The following SRBD1 variants were observed in gnomAD, a reference collection of about 807,000 sequenced individuals.
The protein encoded by SRBD1 is S1 RNA binding domain 1.
A neutral mutation model predicts 115.3 loss-of-function variants in SRBD1; 88 were observed. That is an observed-to-expected ratio of 0.76 (90% CI 0.64 to 0.91). SRBD1 has a LOEUF of 0.91. Ranked by LOEUF, SRBD1 falls within the 40% of genes least tolerant of loss-of-function variation. The probability of loss-of-function intolerance (pLI) is 0.00; values close to 1 mark genes in which losing one functional copy is unlikely to be tolerated. For synonymous variants in SRBD1, 509 were observed against 407.7 expected, an observed-to-expected ratio of 1.25 and a Z score of -2.99; for missense variants, 1,385 against 1,177.4, an observed-to-expected ratio of 1.18 and a Z score of -2.58.
chr2:45,446,350 T>C (rs1315365110), intron 16 of SRBD1, among the ~76,000 whole-genome samples: 1 of 152,128 alleles, frequency 6.6e-6, no homozygotes, highest in Non-Finnish European at 1.5e-5. Context: ...TAAGTCCCCA[T>C]TATCATGCCT....
intron 8 of SRBD1, among the ~76,000 whole-genome samples, chr2:45,573,847 G>A (rs915746412): frequency 6.6e-6 from 1 of 152,110 alleles, no homozygotes; most frequent in African/African-American, 2.4e-5. Context: ...CATTCCTGCT[G>A]GAGCCACTGA....
chr2:45,581,104 T>C (rs1187234689), intron 6 of SRBD1, among the ~76,000 whole-genome samples: 1 of 152,156 alleles, frequency 6.6e-6, no homozygotes, highest in African/African-American at 2.4e-5. Context: ...ACCAAATATA[T>C]ATATTTTTTT....
chr2:45,414,816 A>AG (rs1424390905), intron 18 of SRBD1, among the ~76,000 whole-genome samples: 2 of 23,800 alleles, frequency 8.4e-5, no homozygotes. Flanking sequence ...ACACACACAT[A>AG]TAGTGTGTAT....
intron 19 of SRBD1, 75 bp downstream of exon 19, chr2:45,413,039 T>G: frequency 6.7e-7 from 1 of 1,494,336 alleles, no homozygotes; most frequent in Non-Finnish European, 9.0e-7. Context: ...GTTTCCATTA[T>G]GCCAAAACAA....
chr2:45,581,187 C>T (rs1483130161), intron 6 of SRBD1, among the ~76,000 whole-genome samples: 1 of 152,150 alleles, frequency 6.6e-6, no homozygotes, highest in African/African-American at 2.4e-5. Flanking sequence ...ACTCTCTTCC[C>T]TGCTGTTCCA....
intron 10 of SRBD1, among the ~76,000 whole-genome samples, 178 bp downstream of exon 10, chr2:45,562,475 A>AC (rs1393169700): frequency 7.3e-5 from 11 of 150,822 alleles, no homozygotes; most frequent in African/African-American, 1.7e-4. Context: ...CTCGCGATCC[A>AC]CCCCCCTCAG....
chr2:45,408,206 G>A (rs759501118), intron 19 of SRBD1, among the ~76,000 whole-genome samples: 35 of 152,024 alleles, frequency 2.3e-4, no homozygotes, highest in Non-Finnish European at 4.0e-4. Context: ...TTCTTCCCTG[G>A]GAAGACACTT....
intron 15 of SRBD1, among the ~76,000 whole-genome samples, chr2:45,477,784 T>C (rs1196405940): frequency 1.3e-5 from 2 of 152,214 alleles, no homozygotes; most frequent in Non-Finnish European, 2.9e-5. Context: ...GCCTTGAATA[T>C]GACTGCAAGA....
chr2:45,541,067 C>G (rs10207298), intron 14 of SRBD1, among the ~76,000 whole-genome samples: 79,751 of 152,078 alleles, frequency 0.52, 21,409 homozygotes, highest in African/African-American at 0.58. Context: ...CCAGATCTCA[C>G]CCTGCCAAGG....
At chr2:45,492,530 C>T (rs1279101739) in intron 14 of SRBD1, among the ~76,000 whole-genome samples, 1 of 152,160 alleles carries the variant, frequency 6.6e-6, no homozygotes, top group Non-Finnish European at 1.5e-5. Flanking sequence ...GCTCCACCTC[C>T]CGGGTTCACA....
At chr2:45,390,024 T>A (rs1394486028) in intron 20 of SRBD1, among the ~76,000 whole-genome samples, 1 of 152,140 alleles carries the variant, frequency 6.6e-6, no homozygotes, top group Admixed American at 6.5e-5. Flanking sequence ...GATTATTAAA[T>A]TGTTTAAAGA....
intron 14 of SRBD1, among the ~76,000 whole-genome samples, chr2:45,491,059 G>C (rs1572697383): frequency 6.6e-6 from 1 of 152,062 alleles, no homozygotes; most frequent in South Asian, 2.1e-4. Context: ...TAGAATTAAT[G>C]AAACAAATCA....
At chr2:45,559,727 T>A (rs1391239770) in intron 10 of SRBD1, among the ~76,000 whole-genome samples, 2 of 152,194 alleles carry the variant, frequency 1.3e-5, no homozygotes, top group African/African-American at 2.4e-5. Context: ...CTTTTGAGAA[T>A]AATTTTTTAG....
intron 16 of SRBD1, among the ~76,000 whole-genome samples, chr2:45,456,778 C>T (rs1163352941): frequency 1.3e-5 from 2 of 151,928 alleles, no homozygotes; most frequent in East Asian, 1.9e-4. Flanking sequence ...ACTGGGAATG[C>T]TAAGTGAATT....
intron 16 of SRBD1, among the ~76,000 whole-genome samples, chr2:45,429,276 C>G (rs1668258482): frequency 1.3e-5 from 2 of 152,138 alleles, no homozygotes; most frequent in Non-Finnish European, 2.9e-5. Flanking sequence ...AAAAGACGGA[C>G]TCCTCCCTAA....
intron 10 of SRBD1, among the ~76,000 whole-genome samples, chr2:45,557,060 G>A (rs1672502683): frequency 6.6e-6 from 1 of 152,054 alleles, no homozygotes; most frequent in Admixed American, 6.6e-5. Context: ...ATTCTGGGAA[G>A]AAATTATAGC....
At chr2:45,446,234 T>A (rs529944383) in intron 16 of SRBD1, among the ~76,000 whole-genome samples, 1 of 152,158 alleles carries the variant, frequency 6.6e-6, no homozygotes, top group African/African-American at 2.4e-5. Context: ...CAGTATGCCA[T>A]GGGAACGACA....
intron 15 of SRBD1, 96 bp from the exon 16 acceptor site, chr2:45,477,171 C>G (rs560986661): frequency 1.1e-6 from 1 of 912,652 alleles, no homozygotes; most frequent in African/African-American, 1.6e-5. Context: ...AGTACTTAAT[C>G]CTGTCCCTCC....
At chr2:45,574,849 G>C in intron 7 of SRBD1, 126 bp from the exon 8 acceptor site, 1 of 764,042 alleles carries the variant, frequency 1.3e-6, no homozygotes. Context: ...TCTTAAGACA[G>C]AAAGATATTG....
Sources: allele counts gnomAD v4.1 joint callset (sites outside exome capture counted in the v4.1 genomes callset), GRCh38; gene constraint gnomAD v4.1.1; transcripts MANE v1.5; gene names NCBI Gene and HGNC (gene_info 2026-07-23, HGNC 2026-07-21).